Variants in ST6GALNAC1 observed in about 807,000 individuals in gnomAD.
ST6GALNAC1 encodes ST6 N-acetylgalactosaminide alpha-2,6-sialyltransferase 1.
In ST6GALNAC1, 45 loss-of-function variants were observed where a neutral mutation model predicts 56.8. The observed-to-expected ratio is 0.79, with a 90% CI of 0.62 to 1.02. ST6GALNAC1 has a LOEUF of 1.02. Ranked by LOEUF, ST6GALNAC1 falls within the 50% of genes least tolerant of loss-of-function variation. ST6GALNAC1 has a pLI of 0.00. For synonymous variants in ST6GALNAC1, 295 were observed against 297.8 expected, an observed-to-expected ratio of 0.99 and a Z score of 0.10; for missense variants, 743 against 754.8, an observed-to-expected ratio of 0.98 and a Z score of 0.18.
At chr17:76,631,776 G>A (rs780466923) in intron 1 of ST6GALNAC1, among the ~76,000 whole-genome samples, 4 of 152,004 alleles carry the variant, frequency 2.6e-5, no homozygotes, top group Non-Finnish European at 5.9e-5. Flanking sequence ...CCTTTCCAGG[G>A]GTCTCGGTCA....
rs149844207 is a variant in ST6GALNAC1, at chr17:76,625,201, G to A, written c.*129C>T. On this transcript the variant is annotated 3_prime_UTR_variant, in exon 9 of 9. Transcript: ENST00000156626. Reference sequence around the variant, plus strand: ...AGAGAGTCTTGTCCATGGTTCAAGTGTTCCCTTGGAACTCCTGAAGGGCTT... The same window carrying A: ...AGAGAGTCTTGTCCATGGTTCAAGTATTCCCTTGGAACTCCTGAAGGGCTT... 3.7e-3 allele frequency: 3,511 copies of A among 940,780 alleles called. 12 individuals are homozygous for A. The highest frequency in any genetic ancestry group is 4.4e-3 in the Non-Finnish European group (2,800 of 638,890). The allele number at this position is 940,780 out of a possible 1,614,324, so 58.3% of individuals were successfully genotyped here. A position where few individuals can be genotyped will look rare whatever the true frequency, so the allele number is the denominator to read the frequency against.
At chr17:76,643,454 TTC>T in intron 1 of ST6GALNAC1, 52 bp downstream of exon 1, 1 of 1,599,760 alleles carries the variant, frequency 6.3e-7, no homozygotes, top group South Asian at 1.1e-5. Context: ...GCTATCATTT[TTC>T]TGTTTCCTCA....
the ST6GALNAC1 span, among the ~76,000 whole-genome samples, chr17:76,617,785 G>A: frequency 1.3e-5 from 2 of 150,710 alleles, no homozygotes; most frequent in Non-Finnish European, 3.0e-5. Flanking sequence ...AAAAAAAAAA[G>A]AAAGAAAAAA....
intron 1 of ST6GALNAC1, among the ~76,000 whole-genome samples, chr17:76,630,454 G>A (rs8080520): frequency 0.071 from 10,817 of 152,154 alleles, 505 homozygotes; most frequent in East Asian, 0.19. Context: ...TTTATTCAGG[G>A]TCTCCAGCGG....
At chr17:76,635,465 C>A (rs1463431983) in intron 1 of ST6GALNAC1, among the ~76,000 whole-genome samples, 1 of 152,168 alleles carries the variant, frequency 6.6e-6, no homozygotes. Context: ...CATGGCGAAA[C>A]CCTGTCTCTA....
rs1910189827 is a variant in ST6GALNAC1 at position 76,627,164 on chromosome 17, T to C, written c.1075A>G (p.Ser359Gly). Residue 359 changes from serine to glycine, a missense_variant, in exon 4 of 9, where the codon AGC (serine) becomes GGC (glycine). Ser to Gly is a moderately conservative substitution (Grantham distance 56). Transcript: ENST00000156626. The surrounding 1 kb of genome is among the most constrained non-coding windows in gnomAD (Gnocchi z 4.4). ...QLLLASLPAGSLRCITCAVVG... is the reference protein window; with the variant it reads ...QLLLASLPAGGLRCITCAVVG... Reference sequence around the variant, plus strand: ...ACGGCACAGGTGATGCACCGGAGGCTCCCAGCGGGGAGGCTGGCCAGGAGC... The same window carrying C: ...ACGGCACAGGTGATGCACCGGAGGCCCCCAGCGGGGAGGCTGGCCAGGAGC... The C allele has an allele frequency of 1.2e-6, 2 of 1,604,534 alleles. No individual in the cohort carries two copies. Among genetic ancestry groups the C allele is most frequent in the Non-Finnish European group, 1.7e-6 (2 of 1,174,842 alleles).
At chr17:76,621,161 TTC>T (rs951013696), downstream of ST6GALNAC1, among the ~76,000 whole-genome samples, 13 of 149,928 alleles carry the variant, frequency 8.7e-5, no homozygotes, top group Non-Finnish European at 1.6e-4. Context: ...GTTTCTTTTC[TTC>T]TCTTTTCTTT....
chr17:76,642,403 T>C (rs7218347), intron 1 of ST6GALNAC1, among the ~76,000 whole-genome samples: 29,360 of 152,064 alleles, frequency 0.19, 3,623 homozygotes, highest in African/African-American at 0.35. Context: ...TGAGAATTAG[T>C]GAGTTAACGT....
In ST6GALNAC1 at chr17:76,643,591, C is replaced by T. The variant is rs757106549; in HGVS notation, c.48G>A (p.Gln16=). 6.8e-6 allele frequency: 11 copies of T among 1,614,044 alleles called. No individual in the cohort carries two copies. The highest frequency in any genetic ancestry group is 9.3e-6 in the Non-Finnish European group (11 of 1,180,012). ...WRCRHLSQGV[Q]WSLLLAVLVF... is the part of the protein sequence containing the mutation. ...CCAGGACAGCCAGAAGCAAGGACCA[C>T]TGGACGCCTTGGCTCAGGTGCCTGC... The change falls in exon 1 of 9, where the codon CAG becomes CAA. Residue 16 remains glutamine (Q), a synonymous_variant. Transcript: ENST00000156626.
downstream of ST6GALNAC1, among the ~76,000 whole-genome samples, chr17:76,622,195 TA>T (rs1402852014): frequency 3.3e-5 from 5 of 150,584 alleles, no homozygotes; most frequent in Admixed American, 6.6e-5. Context: ...TATATATATA[TA>T]TATTTTTGCC....
chr17:76,634,024 TAGA>T (rs1177537354), intron 1 of ST6GALNAC1, among the ~76,000 whole-genome samples: 2 of 152,132 alleles, frequency 1.3e-5, no homozygotes, highest in African/African-American at 4.8e-5. Context: ...CCAGTATGAG[TAGA>T]AGATTATTTT....
At chr17:76,640,020 G>C (rs1360804977) in intron 1 of ST6GALNAC1, among the ~76,000 whole-genome samples, 2 of 152,224 alleles carry the variant, frequency 1.3e-5, no homozygotes, top group East Asian at 3.9e-4. Context: ...GGTGGTCTCT[G>C]CACATTAGTA....
intron 1 of ST6GALNAC1, among the ~76,000 whole-genome samples, chr17:76,631,531 G>A (rs536313246): frequency 8.5e-5 from 13 of 152,238 alleles, no homozygotes; most frequent in African/African-American, 2.2e-4. Flanking sequence ...AGCCTCTGGG[G>A]GGGCTTGGAA....
chr17:76,629,775 AG>A, intron 1 of ST6GALNAC1, 64 bp from the exon 2 acceptor site: 1 of 963,298 alleles, frequency 1.0e-6, no homozygotes, highest in Non-Finnish European at 1.5e-6. Flanking sequence ...AAGCATAAGT[AG>A]TTTTTTGTTT....
At chr17:76,621,901 C>A (rs1271772053), downstream of ST6GALNAC1, among the ~76,000 whole-genome samples, 1 of 150,596 alleles carries the variant, frequency 6.6e-6, no homozygotes, top group African/African-American at 2.4e-5. Flanking sequence ...TTTCTTTGCT[C>A]AAAAAACCTT....
At chr17:76,623,044 C>T (rs901726161), downstream of ST6GALNAC1, among the ~76,000 whole-genome samples, 2 of 152,198 alleles carry the variant, frequency 1.3e-5, no homozygotes, top group Admixed American at 6.5e-5. Context: ...CCGCCTGCCT[C>T]GGCCTCTGTC....
At chr17:76,623,928 G>C (rs74743225), downstream of ST6GALNAC1, among the ~76,000 whole-genome samples, 5,652 of 152,300 alleles carry the variant, frequency 0.037, 200 homozygotes, top group East Asian at 0.17. Context: ...CTCCTGCTCT[G>C]ACCTGATGTG....
the ST6GALNAC1 span, among the ~76,000 whole-genome samples, chr17:76,619,617 C>A: frequency 6.6e-6 from 1 of 151,964 alleles, no homozygotes. Flanking sequence ...GTGTGAAAAA[C>A]AAACCTACCC....
the ST6GALNAC1 span, among the ~76,000 whole-genome samples, chr17:76,619,665 TTATTC>T: frequency 2.0e-5 from 3 of 152,174 alleles, no homozygotes; most frequent in Admixed American, 2.0e-4. Flanking sequence ...CTTTTTGTCT[TTATTC>T]TGAGGATATA....
Sources: allele counts gnomAD v4.1 joint callset (sites outside exome capture counted in the v4.1 genomes callset), GRCh38; gene constraint gnomAD v4.1.1; non-coding constraint Gnocchi (gnomAD v3.1); transcripts MANE v1.5; gene names NCBI Gene and HGNC (gene_info 2026-07-23, HGNC 2026-07-21).